SMG1: variants seen among roughly 807,000 people sequenced by gnomAD.
SMG1 encodes the protein SMG1 nonsense mediated mRNA decay associated PI3K related kinase.
In SMG1, 22 loss-of-function variants were observed where a neutral mutation model predicts 419.9. That is an observed-to-expected ratio of 0.05 (90% CI 0.04 to 0.07). SMG1 has a LOEUF of 0.07. Ranked by LOEUF, SMG1 falls within the 10% of genes least tolerant of loss-of-function variation. The pLI is 1.00. For missense variants in SMG1, 3,185 were observed against 4,342.0 expected (o/e 0.73, Z 7.49); for synonymous variants, 1,538 against 1,553.5 (o/e 0.99, Z 0.23).
chr16:18,815,073 C>T, intron 60 of SMG1, 102 bp downstream of exon 60: 3 of 744,788 alleles, frequency 4.0e-6, no homozygotes, highest in South Asian at 1.8e-5. Context: ...TATAGAATGA[C>T]AGGCCTTAAG....
Position 18,807,257 on chromosome 16 carries a change from C to G in SMG1, c.*2312G>C, listed in dbSNP as rs909243493. Reference sequence around the variant, plus strand: ...TGCTAAACTAATGTGAACTGACTATCATTGCGATAAAAGTTTTTCCTTATG... The same window carrying G: ...TGCTAAACTAATGTGAACTGACTATGATTGCGATAAAAGTTTTTCCTTATG... On this transcript the variant is annotated 3_prime_UTR_variant, in exon 63 of 63. Transcript: ENST00000446231. 6.6e-6 allele frequency: 1 copy of G among 152,150 alleles called. No individual in the cohort carries two copies. Among genetic ancestry groups the G allele is most frequent in the Non-Finnish European group, 1.5e-5 (1 of 68,012 alleles). 9.4% of individuals were successfully genotyped at this position (152,150 alleles called of 1,614,324 possible).
chr16:18,903,659 T>A (rs576829971), intron 1 of SMG1, among the ~76,000 whole-genome samples: 7 of 152,302 alleles, frequency 4.6e-5, no homozygotes, highest in African/African-American at 1.7e-4. Context: ...ATCCTATTAG[T>A]TATAACTTGA....
At chr16:18,859,801 C>T in intron 26 of SMG1, 98 bp from the exon 27 acceptor site, 1 of 748,156 alleles carries the variant, frequency 1.3e-6, no homozygotes, top group South Asian at 1.9e-5. Context: ...CAATGAACAG[C>T]TCCTTTAATA....
intron 36 of SMG1, among the ~76,000 whole-genome samples, chr16:18,848,594 CT>C (rs1185282411): frequency 6.6e-6 from 1 of 151,992 alleles, no homozygotes; most frequent in African/African-American, 2.4e-5. Context: ...GTGCGAGTCA[CT>C]GCTCCTGGCC....
At chr16:18,865,370 CTA>C (rs1471510419) in intron 23 of SMG1, among the ~76,000 whole-genome samples, 1 of 152,050 alleles carries the variant, frequency 6.6e-6, no homozygotes, top group Non-Finnish European at 1.5e-5. Flanking sequence ...AGGGGGTACT[CTA>C]TTATTAAGGG....
chr16:18,852,107 C>T lies in SMG1; in HGVS notation c.5012G>A (p.Gly1671Asp). 2 of 1,613,440 alleles carry T rather than the reference C, an allele frequency of 1.2e-6. No homozygotes were observed. Among genetic ancestry groups the T allele is most frequent in the Non-Finnish European group, 1.7e-6 (2 of 1,179,724 alleles). Residue 1671 changes from glycine to aspartate, a missense_variant, in exon 33 of 63, where the codon GGT (glycine) becomes GAT (aspartate). Physicochemically the swap from Gly to Asp is moderately conservative, Grantham distance 94. Transcript: ENST00000446231. ...ITEEEKERIY[G>D]ILGQAVCRPA... ...CCGACACACAGCCTGTCCAAGAATA[C>T]CATATATTCTCTCTTTCTCTTCCTC...
At chr16:18,833,211 G>T in intron 50 of SMG1, 45 bp from the exon 51 acceptor site, 2 of 1,502,724 alleles carry the variant, frequency 1.3e-6, no homozygotes, top group South Asian at 1.2e-5. Context: ...TTTGAGTTTA[G>T]CTAAGTTACA....
chr16:18,833,982 C>T (rs2033382684), intron 50 of SMG1, among the ~76,000 whole-genome samples: 1 of 152,044 alleles, frequency 6.6e-6, no homozygotes, highest in African/African-American at 2.4e-5. Context: ...TGACTTGATT[C>T]CAGTTTTTGA....
chr16:18,839,516 T>C (rs2641868), intron 42 of SMG1, among the ~76,000 whole-genome samples, 182 bp downstream of exon 42: 2,780 of 152,294 alleles, frequency 0.018, 83 homozygotes, highest in African/African-American at 0.063. Flanking sequence ...TTCCCCATCC[T>C]GCCCTCGGAC....
chr16:18,885,758 A>G, intron 6 of SMG1, 92 bp from the exon 7 acceptor site: 4 of 1,227,854 alleles, frequency 3.3e-6, no homozygotes, highest in Non-Finnish European at 4.6e-6. Flanking sequence ...TACATAAAAA[A>G]CTGAATATGA....
At position 18,807,103 on chromosome 16, in the gene SMG1, G is replaced by T. The variant is rs1243749405; in HGVS notation, c.*2466C>A. 1.3e-5 allele frequency: 2 copies of T among 152,220 alleles called. No individual in the cohort carries two copies. The highest frequency in any genetic ancestry group is 2.9e-5 in the Non-Finnish European group (2 of 68,036). 9.4% of individuals were successfully genotyped at this position (152,220 alleles called of 1,614,324 possible). ...TTTACCAGAGGCACATGCTTTTGAA[G>T]TAAAGCTGTTTTTTGTTTTTGCTTG... On this transcript the variant is annotated 3_prime_UTR_variant, in exon 63 of 63. Coordinates refer to ENST00000446231, the MANE Select transcript of SMG1 (RefSeq NM_015092.5).
rs1396770641 is a variant in SMG1, at chr16:18,860,765, C to G, written c.3707G>C (p.Ser1236Thr). ...TTCAACAAATTTTCCAGACTCAAAG[C>G]TGCTTAATGATCTGTAATTAAAATA... The part of the protein sequence containing the change: ...ADFNYIKSLS[S>T]FESGKFVECT... The change falls in exon 26 of 63, where the codon AGC becomes ACC. Residue 1236 changes from serine to threonine, a missense_variant. Coordinates refer to ENST00000446231, the MANE Select transcript of SMG1 (RefSeq NM_015092.5). 6 of 1,477,536 alleles carry G rather than the reference C, an allele frequency of 4.1e-6. No individual in the cohort carries two copies. Among genetic ancestry groups the G allele is most frequent in the Non-Finnish European group, 5.5e-6 (6 of 1,081,230 alleles). 91.5% of individuals were successfully genotyped at this position (1,477,536 alleles called of 1,614,324 possible).
chr16:18,830,449 A>G (rs1172821020), intron 51 of SMG1, 80 bp from the exon 52 acceptor site: 20 of 1,460,502 alleles, frequency 1.4e-5, no homozygotes, highest in Non-Finnish European at 1.8e-5. Flanking sequence ...AGTACATCTC[A>G]CAGCTGCATG....
At chr16:18,819,479 A>G in intron 56 of SMG1, 23 bp downstream of exon 56, 1 of 1,605,806 alleles carries the variant, frequency 6.2e-7, no homozygotes, top group Non-Finnish European at 8.5e-7. Context: ...GAATACAAAG[A>G]TGGTGCATGT....
intron 3 of SMG1, 53 bp from the exon 4 acceptor site, chr16:18,892,407 T>C: frequency 7.2e-7 from 1 of 1,398,258 alleles, no homozygotes; most frequent in Admixed American, 2.5e-5. Context: ...AGCAAAGATA[T>C]TTTTAAATTT....
At position 18,884,838 on chromosome 16, in the gene SMG1, C is replaced by T. The variant is rs146322983; in HGVS notation, c.1021+252G>A. The T allele has an allele frequency of 1.6e-3, 735 of 469,696 alleles. 9 individuals carry two copies. Among genetic ancestry groups the T allele is most frequent in the African/African-American group, 0.014 (673 of 49,136 alleles). The allele number at this position is 469,696 out of a possible 1,614,324, so 29.1% of individuals were successfully genotyped here. A position where few individuals can be genotyped will look rare whatever the true frequency, so the allele number is the denominator to read the frequency against. Reference sequence around the variant, plus strand: ...GTATTGCCACTACAATATATTCTTACCATACACTTTCCTACCAGTACAAAC... The same window carrying T: ...GTATTGCCACTACAATATATTCTTATCATACACTTTCCTACCAGTACAAAC... On this transcript the variant is annotated intron_variant, in intron 8 of 62. Transcript: ENST00000446231.
rs1053007801 is a variant in SMG1, at chr16:18,807,336, T to G, written c.*2233A>C. The G allele has an allele frequency of 1.3e-5, 2 of 152,146 alleles. No homozygotes were observed. The highest frequency in any genetic ancestry group is 2.9e-5 in the Non-Finnish European group (2 of 68,014). 9.4% of individuals were successfully genotyped at this position (152,146 alleles called of 1,614,324 possible). ...TTTAATCTTGAGAGAGCAGAGGTAATGTGATGAATGTAATTTGCTCCCAGA... is the reference window on the plus strand; with the variant it reads ...TTTAATCTTGAGAGAGCAGAGGTAAGGTGATGAATGTAATTTGCTCCCAGA... On this transcript the variant is annotated 3_prime_UTR_variant, in exon 63 of 63. Coordinates refer to ENST00000446231, the MANE Select transcript of SMG1 (RefSeq NM_015092.5).
chr16:18,915,960 T>G (rs995680984), intron 1 of SMG1, among the ~76,000 whole-genome samples: 18 of 149,888 alleles, frequency 1.2e-4, no homozygotes, highest in Non-Finnish European at 2.2e-4. Context: ...TCCCAGCTAC[T>G]CAGGTGGCTG....
intron 1 of SMG1, among the ~76,000 whole-genome samples, chr16:18,910,922 G>C (rs946090398): frequency 2.0e-5 from 3 of 152,238 alleles, no homozygotes; most frequent in African/African-American, 4.8e-5. Flanking sequence ...GTTCTTATAA[G>C]AATCAGTTCT....
Sources: gnomAD v4.1 joint callset for allele counts (sites outside exome capture counted in the v4.1 genomes callset) on GRCh38, gnomAD v4.1.1 for gene constraint, MANE v1.5 for transcripts, NCBI Gene and HGNC (gene_info 2026-07-23, HGNC 2026-07-21) for gene names.